The following SLC1A6 variants were observed in gnomAD, a reference collection of about 807,000 sequenced individuals.
SLC1A6 encodes the protein excitatory amino acid transporter 4.
Under a neutral mutation model 42.1 loss-of-function variants are expected in SLC1A6, and 15 were observed. The observed-to-expected ratio is 0.36, with a 90% CI of 0.24 to 0.55. The LOEUF is 0.55. Ranked by LOEUF, SLC1A6 falls within the 20% of genes least tolerant of loss-of-function variation. The pLI, the probability that SLC1A6 is intolerant of heterozygous loss-of-function variation, is 0.88. For missense variants in SLC1A6, 542 were observed against 772.5 expected, an observed-to-expected ratio of 0.70 and a Z score of 3.54; for synonymous variants, 317 against 319.7, an observed-to-expected ratio of 0.99 and a Z score of 0.09.
intron 1 of SLC1A6, among the ~76,000 whole-genome samples, chr19:14,991,140 T>C (rs1301819948): frequency 6.6e-6 from 1 of 152,148 alleles, no homozygotes; most frequent in East Asian, 1.9e-4. Context: ...TATAATTCTA[T>C]TTATATGAAA....
At chr19:14,950,616 T>C (rs1568282170) in intron 9 of SLC1A6, among the ~76,000 whole-genome samples, 1 of 152,024 alleles carries the variant, frequency 6.6e-6, no homozygotes, top group Non-Finnish European at 1.5e-5. Context: ...ATCTTAGATG[T>C]GATATTTTTT....
At chr19:14,976,097 C>T (rs953262595) in intron 1 of SLC1A6, among the ~76,000 whole-genome samples, 2 of 151,362 alleles carry the variant, frequency 1.3e-5, no homozygotes, top group African/African-American at 4.9e-5. Flanking sequence ...GGCTCCCTTT[C>T]GATCTACCCA....
chr19:14,951,946 C>T (rs1442573352), intron 9 of SLC1A6, among the ~76,000 whole-genome samples: 1 of 151,308 alleles, frequency 6.6e-6, no homozygotes, highest in Non-Finnish European at 1.5e-5. Flanking sequence ...TCCCAAGCAG[C>T]TGGGACTACA....
At position 14,953,994 on chromosome 19, in the gene SLC1A6, C is replaced by T. The variant is rs576093985; in HGVS notation, c.1364+141G>A. ...TTCACCTACCTCATCCGGCATTGGG[C>T]TCTTCCCACATCCCGCTTCCAACAT... On this transcript the variant is annotated intron_variant, in intron 8 of 9. Transcript: ENST00000594383. The T allele has an allele frequency of 6.3e-5, 45 of 716,794 alleles. No homozygotes were observed. The African/African-American group carries it at 7.0e-4, about 11-fold the overall frequency. The allele number at this position is 716,794 out of a possible 1,614,324, so 44.4% of individuals were successfully genotyped here.
chr19:14,961,290 T>C (rs2045509045), intron 6 of SLC1A6: 2 of 152,188 alleles, frequency 1.3e-5, no homozygotes, highest in South Asian at 4.1e-4. Context: ...CATTCCACAA[T>C]GTAGAGATAT....
At chr19:14,962,773 C>T (rs1241256654) in intron 5 of SLC1A6, among the ~76,000 whole-genome samples, 2 of 152,134 alleles carry the variant, frequency 1.3e-5, no homozygotes, top group South Asian at 4.2e-4. Flanking sequence ...TGTGGCAGTG[C>T]GTGCCTGTAG....
upstream of SLC1A6, among the ~76,000 whole-genome samples, chr19:14,981,891 G>C (rs969463959): frequency 3.3e-5 from 5 of 152,074 alleles, no homozygotes; most frequent in African/African-American, 1.2e-4. Flanking sequence ...AGCAGGGTTT[G>C]GTGGCAGGTG....
chr19:15,007,896 G>A lies in SLC1A6; in HGVS notation c.6+2589C>T, dbSNP rs1225720533. Reference sequence around the variant, plus strand: ...AAAAATTAGCCGGGTGTGGTGACACGCACCTGTAATCCCAGCTACCCGGGA... The same window carrying A: ...AAAAATTAGCCGGGTGTGGTGACACACACCTGTAATCCCAGCTACCCGGGA... On this transcript the variant is annotated intron_variant, in intron 1 of 8. Transcript: ENST00000430939. 3.9e-5 allele frequency among the ~76,000 whole-genome samples: 6 copies of A among 151,960 alleles called. No individual in the cohort carries two copies. In the East Asian group the frequency reaches 9.7e-4, roughly 25 times the overall value.
At chr19:15,004,656 G>A (rs2045887712) in intron 1 of SLC1A6, among the ~76,000 whole-genome samples, 1 of 151,328 alleles carries the variant, frequency 6.6e-6, no homozygotes, top group Admixed American at 6.6e-5. Context: ...CCAAGATTGT[G>A]CCACTTCATT....
chr19:14,951,078 C>CAA (rs59828742), intron 9 of SLC1A6, among the ~76,000 whole-genome samples: 35,255 of 79,558 alleles, frequency 0.44, 7,566 homozygotes, highest in African/African-American at 0.51. Context: ...ACTAAAAATA[C>CAA]AAAAAAAAAA....
chr19:14,961,850 G>T, intron 6 of SLC1A6, 152 bp downstream of exon 6: 1 of 1,123,442 alleles, frequency 8.9e-7, no homozygotes, highest in Non-Finnish European at 1.2e-6. Context: ...ATCCCAGAAA[G>T]ACATGAATGA....
chr19:14,976,193 CA>C (rs1311307363), intron 1 of SLC1A6, among the ~76,000 whole-genome samples: 1 of 152,124 alleles, frequency 6.6e-6, no homozygotes, highest in Non-Finnish European at 1.5e-5. Flanking sequence ...CCAAGGAAAA[CA>C]AATCATTGTA....
At chr19:15,005,115 C>T (rs2145244652) in intron 1 of SLC1A6, among the ~76,000 whole-genome samples, 1 of 152,090 alleles carries the variant, frequency 6.6e-6, no homozygotes, top group Middle Eastern at 3.4e-3. Context: ...TTTAAATTAG[C>T]CAGGCATGGT....
At chr19:14,973,959 C>T (rs2045674446) in intron 1 of SLC1A6, 1 of 152,210 alleles carries the variant, frequency 6.6e-6, no homozygotes, top group Non-Finnish European at 1.5e-5. Flanking sequence ...GTTCATGAGC[C>T]CCTCTGGGGT....
intron 1 of SLC1A6, among the ~76,000 whole-genome samples, chr19:15,002,554 G>C (rs6512000): frequency 0.61 from 93,469 of 152,106 alleles, 29,505 homozygotes; most frequent in Non-Finnish European, 0.69. Context: ...TAGGCTGTTG[G>C]TTACAAGTGA....
chr19:14,982,383 G>T (rs1364563096), upstream of SLC1A6, among the ~76,000 whole-genome samples: 1 of 152,062 alleles, frequency 6.6e-6, no homozygotes, highest in East Asian at 1.9e-4. Flanking sequence ...TATAAAATTA[G>T]CCAGGCATGG....
upstream of SLC1A6, among the ~76,000 whole-genome samples, chr19:14,982,328 G>A (rs905221624): frequency 2.0e-5 from 3 of 152,176 alleles, no homozygotes; most frequent in South Asian, 4.1e-4. Flanking sequence ...TCAGGAGTTC[G>A]AGACCAGCCT....
chr19:15,008,944 C>A (rs201089645), intron 1 of SLC1A6, among the ~76,000 whole-genome samples: 3 of 150,946 alleles, frequency 2.0e-5, no homozygotes, highest in South Asian at 2.1e-4. Flanking sequence ...TGCAGTGAGC[C>A]GAGATCATGC....
chr19:14,959,653 A>G (rs2045491895), intron 6 of SLC1A6, among the ~76,000 whole-genome samples: 1 of 152,128 alleles, frequency 6.6e-6, no homozygotes, highest in South Asian at 2.1e-4. Context: ...ATCTTCCACC[A>G]CCACTCCCAA....
Sources: gnomAD v4.1 joint callset for allele counts (sites outside exome capture counted in the v4.1 genomes callset) on GRCh38, gnomAD v4.1.1 for gene constraint, MANE v1.5 for transcripts, NCBI Gene and HGNC (gene_info 2026-07-23, HGNC 2026-07-21) for gene names.